Variants in MYRF observed in about 807,000 individuals in gnomAD.
The protein encoded by MYRF is myelin regulatory factor, also known as myelin gene regulatory factor.
Under a neutral mutation model 126.3 loss-of-function variants are expected in MYRF, and 16 were observed. The ratio of observed to expected loss-of-function variants is 0.13; its 90% CI spans 0.09 to 0.19. The LOEUF (loss-of-function observed/expected upper bound fraction) is 0.19, where lower values mean the gene tolerates loss of function less well. MYRF is among the 10% of genes least tolerant of loss of function. MYRF has a pLI of 1.00. For missense variants in MYRF, 1,104 were observed against 1,547.0 expected (o/e 0.71, Z 4.80); for synonymous variants, 608 against 635.3 (o/e 0.96, Z 0.65).
At chr11:61,785,697 A>G (rs2066676285) in intron 25 of MYRF, 103 bp from the exon 26 acceptor site, 1 of 922,620 alleles carries the variant, frequency 1.1e-6, no homozygotes. Flanking sequence ...TTTTTCCTTC[A>G]TAAAACTCCC....
chr11:61,752,832 G>A, intron 1 of MYRF, 42 bp downstream of exon 1: 1 of 1,476,636 alleles, frequency 6.8e-7, no homozygotes, highest in Non-Finnish European at 8.9e-7. Flanking sequence ...TCTGGCGCTG[G>A]GAACCCCCGG....
intron 1 of MYRF, chr11:61,756,976 GGCT>G: frequency 2.8e-6 from 1 of 363,238 alleles, no homozygotes; most frequent in Non-Finnish European, 5.5e-6. Context: ...GCTGCTCATT[GGCT>G]GCCACCCTTG....
intron 1 of MYRF, among the ~76,000 whole-genome samples, chr11:61,753,056 T>A (rs1339151958): frequency 6.6e-6 from 1 of 152,052 alleles, no homozygotes; most frequent in Non-Finnish European, 1.5e-5. Context: ...CCGGACTCCT[T>A]TGAGCCTTCC....
chr11:61,786,716 C>T lies in MYRF; in HGVS notation c.*573C>T. 6.5e-6 allele frequency: 1 copy of T among 154,096 alleles called. No homozygotes were observed. Among genetic ancestry groups the T allele is most frequent in the Non-Finnish European group, 1.5e-5 (1 of 68,880 alleles). The allele number at this position is 154,096 out of a possible 1,614,324, so 9.5% of individuals were successfully genotyped here. The stretch of plus-strand genomic sequence containing the variant: ...GTTTGCCTGTTACGCCAGACTCGGA[C>T]TTCTAAGCTTTAAGTGTGGCCCAGG... On this transcript the variant is annotated 3_prime_UTR_variant, in exon 27 of 27. Coordinates refer to ENST00000278836, the MANE Select transcript of MYRF (RefSeq NM_001127392.3). This position sits in a 1 kb window ranked among gnomAD's most constrained non-coding sequence, Gnocchi z 4.5.
chr11:61,784,484 TA>T lies in MYRF; in HGVS notation c.3300+100del. On this transcript the variant is annotated intron_variant, in intron 25 of 26. Coordinates refer to ENST00000278836, the MANE Select transcript of MYRF (RefSeq NM_001127392.3). ...TGGGCAAGGAGCAGAAGCTGGGAGT[TA>T]TAGAGTAAAGCCTTCTCCACAAGGG... The T allele has an allele frequency of 4.1e-6, 4 of 979,370 alleles. No individual in the cohort carries two copies. In the South Asian group the frequency reaches 5.8e-5, roughly 14 times the overall value. 60.7% of individuals were successfully genotyped at this position (979,370 alleles called of 1,614,324 possible).
rs975122696 is a variant in MYRF at position 61,787,998 on chromosome 11, T to C, written c.*1855T>C. On this transcript the variant is annotated 3_prime_UTR_variant, in exon 27 of 27. Transcript: ENST00000278836. The stretch of plus-strand genomic sequence containing the variant: ...GGGGAGGGGTTCCTCAGTGCAGGAG[T>C]TGGGGACAGGCTGGGGATCCAAGCT... 11 of 152,432 alleles carry C rather than the reference T, an allele frequency of 7.2e-5. No individual in the cohort carries two copies. The highest frequency in any genetic ancestry group is 1.9e-4 in the African/African-American group (8 of 41,292). 9.4% of individuals were successfully genotyped at this position (152,432 alleles called of 1,614,324 possible). A position where few individuals can be genotyped will look rare whatever the true frequency, so the allele number is the denominator to read the frequency against.
In MYRF at chr11:61,774,174, G is replaced by T. The variant is rs1295601410; in HGVS notation, c.1311+12G>T. On this transcript the variant is annotated intron_variant, in intron 8 of 26. Coordinates refer to ENST00000278836, the MANE Select transcript of MYRF (RefSeq NM_001127392.3). ...TGCACGGAGTGAAGGCAAGTTTGGG[G>T]CTCAGCAAGGAAGGGAGGGCAGGAG... 1 of 1,590,512 alleles carries T rather than the reference G, an allele frequency of 6.3e-7. No homozygotes were observed. The highest frequency in any genetic ancestry group is 1.3e-5 in the African/African-American group (1 of 74,370).
At chr11:61,765,422 CG>C (rs769605423) in intron 1 of MYRF, among the ~76,000 whole-genome samples, 1 of 151,970 alleles carries the variant, frequency 6.6e-6, no homozygotes, top group East Asian at 1.9e-4. Flanking sequence ...TGTGGTGGGG[CG>C]GGGGGGCATT....
At chr11:61,784,571 T>G in intron 25 of MYRF, 186 bp downstream of exon 25, 3 of 584,888 alleles carry the variant, frequency 5.1e-6, no homozygotes, top group East Asian at 2.9e-5. Flanking sequence ...TGTTTGTTCA[T>G]TGCACTCTGC....
Position 61,776,406 on chromosome 11 carries a change from G to A in MYRF, c.1473G>A (p.Lys491=), listed in dbSNP as rs1464563668. ...FSETTANNMR[K]KGKPNPDQRY... is the part of the protein sequence containing the mutation. ...AGACCACCGCTAACAACATGCGTAAGAAGGGCAAGCCCAACCCGGACCAGA... is the reference window on the plus strand; with the variant it reads ...AGACCACCGCTAACAACATGCGTAAAAAGGGCAAGCCCAACCCGGACCAGA... Residue 491 remains lysine (K), a synonymous_variant, in exon 10 of 27, where the codon AAG becomes AAA. Coordinates refer to ENST00000278836, the MANE Select transcript of MYRF (RefSeq NM_001127392.3). This position sits in a 1 kb window ranked among gnomAD's most constrained non-coding sequence, Gnocchi z 4.3. 1 of 1,613,000 alleles carries A rather than the reference G, an allele frequency of 6.2e-7. No individual in the cohort carries two copies. Among genetic ancestry groups the A allele is most frequent in the East Asian group, 2.2e-5 (1 of 44,856 alleles).
In MYRF at chr11:61,777,587, A is replaced by T. The variant is rs573739588; in HGVS notation, c.1791+123A>T. ...GAGCTGCGGGGGAAGGAAGGGAGGG[A>T]GGCTGGCCTCGAATCCCGATCTAAC... On this transcript the variant is annotated intron_variant, in intron 12 of 26. Transcript: ENST00000278836. This position sits in a 1 kb window ranked among gnomAD's most constrained non-coding sequence, Gnocchi z 8.8. The T allele has an allele frequency of 2.2e-6, 3 of 1,374,984 alleles. No individual in the cohort carries two copies. The highest frequency in any genetic ancestry group is 3.0e-6 in the Non-Finnish European group (3 of 1,004,622). The allele number at this position is 1,374,984 out of a possible 1,614,324, so 85.2% of individuals were successfully genotyped here.
chr11:61,757,408 G>C lies in MYRF; in HGVS notation c.46+4618G>C, dbSNP rs761581736. ...TTGTAATGGCAGGGCCTCCGTCCCA[G>C]GGTTTCTGGGGTGATTAGGTAAGAT... On this transcript the variant is annotated intron_variant, in intron 1 of 26. Transcript: ENST00000278836. The surrounding 1 kb of genome is among the most constrained non-coding windows in gnomAD (Gnocchi z 4.7). 3 of 451,230 alleles carry C rather than the reference G, an allele frequency of 6.6e-6. No homozygotes were observed. Among genetic ancestry groups the C allele is most frequent in the Non-Finnish European group, 1.3e-5 (3 of 223,056 alleles). 28.0% of individuals were successfully genotyped at this position (451,230 alleles called of 1,614,324 possible). A position where few individuals can be genotyped will look rare whatever the true frequency, so the allele number is the denominator to read the frequency against.
At chr11:61,770,662 A>T in intron 5 of MYRF, 137 bp downstream of exon 5, 2 of 779,414 alleles carry the variant, frequency 2.6e-6, no homozygotes, top group Middle Eastern at 3.1e-4. Flanking sequence ...TGCAGGGCAG[A>T]TGGGGGTAAC....
At chr11:61,766,272 G>T (rs755850917) in intron 3 of MYRF, 51 bp downstream of exon 3, 1 of 1,530,890 alleles carries the variant, frequency 6.5e-7, no homozygotes, top group Non-Finnish European at 8.8e-7. Flanking sequence ...GGCAGGCAGG[G>T]AGCAGGGCTG....
chr11:61,763,980 G>T (rs1297005746), intron 1 of MYRF, among the ~76,000 whole-genome samples: 1 of 152,250 alleles, frequency 6.6e-6, no homozygotes, highest in Non-Finnish European at 1.5e-5. Context: ...CAGCAGGGTG[G>T]GGCTTGAGCA....
rs2066378028 is a variant in MYRF, at chr11:61,776,222, G to A, written c.1388+90G>A. On this transcript the variant is annotated intron_variant, in intron 9 of 26. Transcript: ENST00000278836. This position sits in a 1 kb window ranked among gnomAD's most constrained non-coding sequence, Gnocchi z 4.3. ...TGGAGGGGCCAGGGAGGTACCCAGGGTGTCCGCCTCATGTACGTTGCTGGC... is the reference window on the plus strand; with the variant it reads ...TGGAGGGGCCAGGGAGGTACCCAGGATGTCCGCCTCATGTACGTTGCTGGC... The A allele has an allele frequency of 6.4e-7, 1 of 1,573,036 alleles. No individual in the cohort carries two copies. The highest frequency in any genetic ancestry group is 8.7e-7 in the Non-Finnish European group (1 of 1,145,404).
rs768753742 is a variant in MYRF, at chr11:61,771,554, C to T, written c.795C>T (p.Thr265=). ...KRKHSESPPS[T]LNAQMLNGMI... is the part of the protein sequence containing the mutation. ...AGCACTCTGAATCCCCCCCCAGCAC[C>T]CTCAATGCCCAGATGCTGAATGGAA... The change falls in exon 6 of 27, where the codon ACC becomes ACT. Residue 265 remains threonine, a synonymous_variant. Transcript: ENST00000278836. 4 of 1,613,986 alleles carry T rather than the reference C, an allele frequency of 2.5e-6. No homozygotes were observed. The highest frequency in any genetic ancestry group is 2.2e-5 in the South Asian group (2 of 91,078).
chr11:61,781,945 G>A (rs2066564306), intron 22 of MYRF, 121 bp downstream of exon 22: 7 of 1,251,722 alleles, frequency 5.6e-6, no homozygotes, highest in African/African-American at 1.5e-5. Flanking sequence ...GACGTTTGCT[G>A]AGCACAGAAT....
At position 61,757,709 on chromosome 11, in the gene MYRF, T is replaced by C. The variant is rs1276429783; in HGVS notation, c.46+4919T>C. The stretch of plus-strand genomic sequence containing the variant: ...AGCAAGGAGGAGGGGCTTGGCTGTA[T>C]TGTGACTTCATCTGCTGCACCCAGG... On this transcript the variant is annotated intron_variant, in intron 1 of 26. Transcript: ENST00000278836. The surrounding 1 kb of genome is among the most constrained non-coding windows in gnomAD (Gnocchi z 4.7). The C allele has an allele frequency of 5.4e-6, 2 of 368,828 alleles. No individual in the cohort carries two copies. Among genetic ancestry groups the C allele is most frequent in the East Asian group, 7.3e-5 (1 of 13,708 alleles). 22.8% of individuals were successfully genotyped at this position (368,828 alleles called of 1,614,324 possible).
Sources: allele counts gnomAD v4.1 joint callset (sites outside exome capture counted in the v4.1 genomes callset), GRCh38; gene constraint gnomAD v4.1.1; non-coding constraint Gnocchi (gnomAD v3.1); transcripts MANE v1.5; gene names NCBI Gene and HGNC (gene_info 2026-07-23, HGNC 2026-07-21).